The following RPS6KA2 variants were observed in gnomAD, a reference collection of about 807,000 sequenced individuals.
RPS6KA2 encodes ribosomal protein S6 kinase A2, also known as ribosomal protein S6 kinase alpha-2.
RPS6KA2 carries 42 observed loss-of-function variants against 91.8 expected under a neutral mutation model. The observed-to-expected ratio is 0.46, with a 90% CI of 0.36 to 0.59. The LOEUF is 0.59. Among genes scored for constraint, RPS6KA2 ranks in the 20% least tolerant of loss-of-function variants. RPS6KA2 has a pLI of 0.00. For synonymous variants in RPS6KA2, 414 were observed against 393.6 expected (o/e 1.05, Z -0.61); for missense variants, 798 against 978.5 (o/e 0.82, Z 2.46).
intron 2 of RPS6KA2, among the ~76,000 whole-genome samples, chr6:166,751,778 CAG>C (rs1562419238): frequency 8.5e-5 from 13 of 152,384 alleles, no homozygotes. Flanking sequence ...CAAAGCCAAA[CAG>C]TGGCACAGAC....
At chr6:166,518,890 T>C (rs1306447788) in intron 3 of RPS6KA2, among the ~76,000 whole-genome samples, 4 of 152,222 alleles carry the variant, frequency 2.6e-5, no homozygotes, top group African/African-American at 9.6e-5. Context: ...GGGAAGATGT[T>C]CAGGTCTGTG....
chr6:166,577,152 C>T (rs187023375), intron 1 of RPS6KA2, among the ~76,000 whole-genome samples: 122 of 152,332 alleles, frequency 8.0e-4, no homozygotes, highest in Middle Eastern at 3.4e-3. Context: ...GTATGGAAAA[C>T]GCCTGGATGC....
At chr6:166,850,631 C>G (rs1780715376) in intron 2 of RPS6KA2, among the ~76,000 whole-genome samples, 1 of 152,150 alleles carries the variant, frequency 6.6e-6, no homozygotes. Context: ...CCGTGAGTTC[C>G]ACGCAGCCTC....
chr6:166,788,792 T>G (rs1778998201), intron 2 of RPS6KA2, among the ~76,000 whole-genome samples: 2 of 152,100 alleles, frequency 1.3e-5, no homozygotes, highest in Non-Finnish European at 2.9e-5. Flanking sequence ...TCATGACACA[T>G]GTATGTATAT....
chr6:166,673,698 T>C (rs1024895374), intron 2 of RPS6KA2, among the ~76,000 whole-genome samples: 24 of 152,238 alleles, frequency 1.6e-4, no homozygotes, highest in Admixed American at 1.1e-3. Flanking sequence ...CAACACAAAT[T>C]TGTAAACTTT....
chr6:166,414,364 CAGAA>C (rs548569123), intron 19 of RPS6KA2, among the ~76,000 whole-genome samples: 7 of 152,260 alleles, frequency 4.6e-5, no homozygotes, highest in African/African-American at 1.7e-4. Flanking sequence ...TACAAATAAT[CAGAA>C]ACCGCAAAAT....
chr6:166,702,748 C>G (rs749147632), intron 2 of RPS6KA2: 64 of 1,236,948 alleles, frequency 5.2e-5, no homozygotes, highest in Non-Finnish European at 7.0e-5. Flanking sequence ...CAGGAAGGGT[C>G]CCGACACGGG....
At chr6:166,644,129 C>T (rs1787532214) in intron 2 of RPS6KA2, among the ~76,000 whole-genome samples, 1 of 152,152 alleles carries the variant, frequency 6.6e-6, no homozygotes. Flanking sequence ...TCTCTCTTCT[C>T]CTCTCCTTCC....
chr6:166,495,449 C>T lies in RPS6KA2; in HGVS notation c.747+3059G>A, dbSNP rs747446977. ...GGGAGGAGAGTGCCTGCTGTGTTGA[C>T]GTGCCGGGCAGCGCTGGGCCAGGCC... On this transcript the variant is annotated intron_variant, in intron 8 of 20. Coordinates refer to ENST00000265678, the MANE Select transcript of RPS6KA2 (RefSeq NM_021135.6). This position sits in a 1 kb window ranked among gnomAD's most constrained non-coding sequence, Gnocchi z 4.4. Among the ~76,000 whole-genome samples the T allele has an allele frequency of 1.3e-5, 2 of 152,150 alleles. No homozygotes were observed. Among genetic ancestry groups the T allele is most frequent in the African/African-American group, 4.8e-5 (2 of 41,418 alleles).
chr6:166,539,659 G>C (rs1783592665), intron 1 of RPS6KA2, among the ~76,000 whole-genome samples: 1 of 152,202 alleles, frequency 6.6e-6, no homozygotes, highest in Non-Finnish European at 1.5e-5. Context: ...GAGTCTATAA[G>C]TGAAAACACT....
chr6:166,570,638 G>C (rs1029645458), intron 1 of RPS6KA2, among the ~76,000 whole-genome samples: 1 of 152,080 alleles, frequency 6.6e-6, no homozygotes, highest in Non-Finnish European at 1.5e-5. Context: ...ATAATACAGG[G>C]TTTAGATACA....
chr6:166,791,373 G>T (rs11752889), intron 2 of RPS6KA2, among the ~76,000 whole-genome samples: 19,549 of 151,110 alleles, frequency 0.13, 1,339 homozygotes, highest in Middle Eastern at 0.17. Context: ...AGCAAGTCCT[G>T]AGTGACCTAC....
intron 14 of RPS6KA2, among the ~76,000 whole-genome samples, chr6:166,441,933 A>C (rs1253368748): frequency 6.6e-6 from 1 of 152,266 alleles, no homozygotes; most frequent in Non-Finnish European, 1.5e-5. Context: ...AACCAGGTGC[A>C]CTGTGCCTTT....
intron 2 of RPS6KA2, among the ~76,000 whole-genome samples, chr6:166,781,580 G>A (rs1287132063): frequency 6.6e-6 from 1 of 152,244 alleles, no homozygotes; most frequent in Non-Finnish European, 1.5e-5. Context: ...AAGTTGGGCA[G>A]ATGTACCTGG....
intron 11 of RPS6KA2, 129 bp downstream of exon 11, chr6:166,469,712 G>T: frequency 2.4e-6 from 2 of 841,018 alleles, no homozygotes; most frequent in South Asian, 1.4e-5. Context: ...CCTGCAGGTG[G>T]CTTGTCTACA....
At chr6:166,456,153 G>A (rs1780099320) in intron 12 of RPS6KA2, among the ~76,000 whole-genome samples, 1 of 152,224 alleles carries the variant, frequency 6.6e-6, no homozygotes, top group African/African-American at 2.4e-5. Context: ...TCCGTGGCCA[G>A]AGAACCCATG....
rs1790580650 is a variant in RPS6KA2, at chr6:166,733,142, T to C, written c.123+125058A>G. Among the ~76,000 whole-genome samples, 1 of 152,176 alleles carries C rather than the reference T, an allele frequency of 6.6e-6. No individual in the cohort carries two copies. Among genetic ancestry groups the C allele is most frequent in the South Asian group, 2.1e-4 (1 of 4,834 alleles). ...CAGGGCCATGCCAAACCATTGCACA[T>C]CATTTTGAGCCTTCAGAACATGATA... On this transcript the variant is annotated intron_variant, in intron 2 of 21. Coordinates refer to the RPS6KA2 transcript ENST00000503859. The surrounding 1 kb of genome is among the most constrained non-coding windows in gnomAD (Gnocchi z 4.1).
chr6:166,862,705 G>GGT (rs1475761795), upstream of RPS6KA2: 1 of 3,162 alleles, frequency 3.2e-4, no homozygotes, highest in East Asian at 2.4e-3. Flanking sequence ...TGGGGAGGCG[G>GGT]GGGGGGGGGG....
chr6:166,457,139 G>A (rs533617554), intron 12 of RPS6KA2, among the ~76,000 whole-genome samples: 4 of 152,314 alleles, frequency 2.6e-5, no homozygotes, highest in South Asian at 2.1e-4. Context: ...GGCACCTCAC[G>A]AGGATGTGTG....
Sources: gnomAD v4.1 joint callset for allele counts (sites outside exome capture counted in the v4.1 genomes callset) on GRCh38, gnomAD v4.1.1 for gene constraint, Gnocchi (gnomAD v3.1) non-coding constraint, MANE v1.5 for transcripts, NCBI Gene and HGNC (gene_info 2026-07-23, HGNC 2026-07-21) for gene names.